Variants in DIAPH2 observed in about 807,000 individuals in gnomAD.
DIAPH2 encodes the protein diaphanous related formin 2.
A neutral mutation model predicts 92.7 loss-of-function variants in DIAPH2; 35 were observed. The ratio of observed to expected loss-of-function variants is 0.38; its 90% CI spans 0.29 to 0.50. The LOEUF is 0.50. Ranked by LOEUF, DIAPH2 falls within the 20% of genes least tolerant of loss-of-function variation. DIAPH2 has a pLI of 0.94. For missense variants in DIAPH2, 701 were observed against 819.5 expected, an observed-to-expected ratio of 0.86 and a Z score of 1.77; for synonymous variants, 301 against 280.4, an observed-to-expected ratio of 1.07 and a Z score of -0.73.
At chrX:97,420,022 A>G (rs1378147058) in intron 25 of DIAPH2, among the ~76,000 whole-genome samples, 1 of 111,572 alleles carries the variant, frequency 9.0e-6, no homozygotes, top group African/African-American at 3.3e-5. Flanking sequence ...TTCCAGAGGC[A>G]TAAACTGGTT....
intron 17 of DIAPH2, among the ~76,000 whole-genome samples, chrX:97,047,932 C>G (rs1017750590): frequency 2.7e-5 from 3 of 109,975 alleles, no homozygotes; most frequent in Non-Finnish European, 3.8e-5. Context: ...TTAATACTTC[C>G]GGTTTTCCTT....
chrX:97,036,992 A>AT (rs931080588), intron 17 of DIAPH2, among the ~76,000 whole-genome samples: 44 of 109,814 alleles, frequency 4.0e-4, no homozygotes, highest in Admixed American at 2.0e-3. Context: ...TATAGGTACT[A>AT]TTTTTTTTTA....
intron 26 of DIAPH2, among the ~76,000 whole-genome samples, chrX:97,583,770 A>G (rs749603743): frequency 0.013 from 1,435 of 110,295 alleles, 26 homozygotes; most frequent in African/African-American, 0.045. Flanking sequence ...CCCCTCCCCC[A>G]GCCTCGCTGC....
At chrX:96,810,092 C>T (rs2064664341) in intron 4 of DIAPH2, among the ~76,000 whole-genome samples, 2 of 112,351 alleles carry the variant, frequency 1.8e-5, no homozygotes, top group Non-Finnish European at 3.8e-5. Context: ...GGAATTGCCA[C>T]ACTGTCTTCC....
intron 4 of DIAPH2, among the ~76,000 whole-genome samples, chrX:96,765,147 G>A (rs772945444): frequency 1.8e-5 from 2 of 108,858 alleles, no homozygotes; most frequent in South Asian, 4.0e-4. Flanking sequence ...GTTACCTGAG[G>A]TGCAGCACAA....
intron 22 of DIAPH2, among the ~76,000 whole-genome samples, chrX:97,183,301 A>C (rs1051281072): frequency 1.6e-4 from 18 of 111,499 alleles, no homozygotes; most frequent in African/African-American, 5.9e-4. Flanking sequence ...GCACAAGTTC[A>C]CTGCTGGCTG....
Position 97,489,371 on chromosome X carries a change from GCAAA to G in DIAPH2, c.3241+59629_3241+59632del, listed in dbSNP as rs1428811681. ...TTTCTCTATGTAAGATCACGTGTCG[GCAAA>G]CAGAGATAGTTTTACTTCTTTTTTT... On this transcript the variant is annotated intron_variant, in intron 26 of 26. Transcript: ENST00000324765. Among the ~76,000 whole-genome samples, 3 of 110,816 alleles carry G rather than the reference GCAAA, an allele frequency of 2.7e-5. No homozygotes were observed. The Admixed American group carries it at 2.9e-4, about 11-fold the overall frequency.
At chrX:97,321,582 C>T (rs1372552417) in intron 23 of DIAPH2, among the ~76,000 whole-genome samples, 1 of 81,617 alleles carries the variant, frequency 1.2e-5, no homozygotes, top group Non-Finnish European at 2.2e-5. Flanking sequence ...TGGAATCTCG[C>T]TCTGTCCCCC....
chrX:96,898,998 G>T (rs1436466206), intron 5 of DIAPH2, among the ~76,000 whole-genome samples: 9 of 109,215 alleles, frequency 8.2e-5, no homozygotes, highest in Non-Finnish European at 3.9e-5. Flanking sequence ...TTTCCCCATT[G>T]CTTGTTTTTC....
chrX:97,341,019 C>T (rs1205793396), intron 23 of DIAPH2: 2 of 100,123 alleles, frequency 2.0e-5, no homozygotes, highest in East Asian at 3.2e-4. Context: ...TGAGGCATCC[C>T]ACTACATACA....
intron 17 of DIAPH2, among the ~76,000 whole-genome samples, chrX:96,989,817 A>T (rs2066056763): frequency 8.9e-6 from 1 of 111,918 alleles, no homozygotes. Context: ...TCTGTTTATG[A>T]TGTTTATCAC....
chrX:96,801,970 A>C (rs1415610133), intron 4 of DIAPH2, among the ~76,000 whole-genome samples: 2 of 112,034 alleles, frequency 1.8e-5, no homozygotes, highest in Non-Finnish European at 3.8e-5. Context: ...GAATGCACAC[A>C]TATAACCAAT....
At chrX:96,762,696 G>A (rs747357357) in intron 4 of DIAPH2, among the ~76,000 whole-genome samples, 76 of 110,211 alleles carry the variant, frequency 6.9e-4, no homozygotes, top group African/African-American at 2.5e-3. Context: ...AAAAGAAAAG[G>A]CAATATTGGA....
At chrX:97,434,489 A>G (rs2070160592) in intron 26 of DIAPH2, among the ~76,000 whole-genome samples, 1 of 107,285 alleles carries the variant, frequency 9.3e-6, no homozygotes, top group Non-Finnish European at 1.9e-5. Flanking sequence ...GCTCACTGCA[A>G]CCTCCGCCTC....
chrX:97,224,113 C>T (rs893640685), intron 22 of DIAPH2, among the ~76,000 whole-genome samples: 4 of 111,841 alleles, frequency 3.6e-5, no homozygotes, highest in East Asian at 2.8e-4. Flanking sequence ...CAACATTTCA[C>T]GGTTTTTCAA....
chrX:96,741,643 G>C lies in DIAPH2; in HGVS notation c.342+2881G>C, dbSNP rs181719143. 1.1e-4 allele frequency among the ~76,000 whole-genome samples: 12 copies of C among 109,368 alleles called. 1 individual carries two copies. The East Asian group carries it at 3.5e-3, about 32-fold the overall frequency. The allele number at this position is 109,368 out of a possible 115,157, so 95.0% of individuals were successfully genotyped here. ...GGCATGCAGTGCACCACCATACCCA[G>C]CTAATCATTTTGTATTTTTTGGTAG... is the stretch of plus-strand genomic sequence containing the variant. On this transcript the variant is annotated intron_variant, in intron 3 of 26. Coordinates refer to ENST00000324765, the MANE Select transcript of DIAPH2 (RefSeq NM_006729.5).
chrX:96,719,492 T>C (rs1225373013), intron 1 of DIAPH2, among the ~76,000 whole-genome samples: 1 of 112,454 alleles, frequency 8.9e-6, no homozygotes, highest in Non-Finnish European at 1.9e-5. Flanking sequence ...CTAGTTTCTT[T>C]CTTCTGCATA....
chrX:97,512,406 CTTT>C (rs1411893392), intron 26 of DIAPH2, among the ~76,000 whole-genome samples: 7 of 112,503 alleles, frequency 6.2e-5, no homozygotes, highest in African/African-American at 2.3e-4. Flanking sequence ...CTCTTTTCTT[CTTT>C]ATTAGTCTTG....
chrX:96,755,526 G>A (rs918827264), intron 3 of DIAPH2, among the ~76,000 whole-genome samples: 10 of 110,433 alleles, frequency 9.1e-5, no homozygotes, highest in African/African-American at 2.3e-4. Flanking sequence ...GGTGGCGGGC[G>A]CCTGTAGTCC....
Sources: gnomAD v4.1 joint callset for allele counts (sites outside exome capture counted in the v4.1 genomes callset) on GRCh38, gnomAD v4.1.1 for gene constraint, MANE v1.5 for transcripts, NCBI Gene and HGNC (gene_info 2026-07-23, HGNC 2026-07-21) for gene names.